Variants in LMBR1 observed in about 807,000 individuals in gnomAD.
LMBR1 encodes limb development membrane protein 1.
Under a neutral mutation model 73.9 loss-of-function variants are expected in LMBR1, and 52 were observed. That is an observed-to-expected ratio of 0.70 (90% CI 0.56 to 0.89). The LOEUF is 0.89. Among genes scored for constraint, LMBR1 ranks in the 40% least tolerant of loss-of-function variants. LMBR1 has a pLI of 0.00. For missense variants in LMBR1, 539 were observed against 579.8 expected (o/e 0.93, Z 0.72); for synonymous variants, 215 against 209.4 (o/e 1.03, Z -0.23).
intron 12 of LMBR1, among the ~76,000 whole-genome samples, chr7:156,726,461 T>TAA (rs541693821): frequency 2.0e-5 from 3 of 147,062 alleles, no homozygotes; most frequent in East Asian, 2.0e-4. Flanking sequence ...ACCTAGAACT[T>TAA]AAAAAAAAAA....
chr7:156,890,102 A>T (rs1802628232), intron 1 of LMBR1, among the ~76,000 whole-genome samples: 1 of 152,232 alleles, frequency 6.6e-6, no homozygotes, highest in Non-Finnish European at 1.5e-5. Context: ...TATCTGTGAC[A>T]AAAGTCCTAA....
At chr7:156,795,003 T>C (rs1829855374) in intron 5 of LMBR1, among the ~76,000 whole-genome samples, 1 of 152,196 alleles carries the variant, frequency 6.6e-6, no homozygotes, top group African/African-American at 2.4e-5. Context: ...AAAACTCAAA[T>C]GACCAGATGG....
At chr7:156,772,318 T>C (rs908064905) in intron 5 of LMBR1, among the ~76,000 whole-genome samples, 3 of 152,070 alleles carry the variant, frequency 2.0e-5, no homozygotes, top group African/African-American at 7.2e-5. Flanking sequence ...AGAAAAAGCT[T>C]TCTATAAAAT....
intron 5 of LMBR1, among the ~76,000 whole-genome samples, chr7:156,777,898 G>C (rs1407479036): frequency 1.3e-5 from 2 of 152,018 alleles, no homozygotes; most frequent in Non-Finnish European, 2.9e-5. Context: ...CTTTCCTGCT[G>C]AACCCCATAC....
At chr7:156,722,219 G>A (rs1344522370) in intron 15 of LMBR1, among the ~76,000 whole-genome samples, 1 of 152,132 alleles carries the variant, frequency 6.6e-6, no homozygotes, top group African/African-American at 2.4e-5. Flanking sequence ...ACTAAGGTCA[G>A]GGTTTCCTTG....
intron 1 of LMBR1, among the ~76,000 whole-genome samples, chr7:156,891,475 T>C (rs1802976094): frequency 6.6e-6 from 1 of 151,666 alleles, no homozygotes; most frequent in Admixed American, 6.6e-5. Flanking sequence ...TAAGATTCCA[T>C]TTACATAAAG....
chr7:156,833,887 G>C, intron 2 of LMBR1, 95 bp from the exon 3 acceptor site: 5 of 790,960 alleles, frequency 6.3e-6, no homozygotes, highest in Non-Finnish European at 1.0e-5. Flanking sequence ...AACTTAAAAG[G>C]CAATTATTGA....
chr7:156,815,241 T>A (rs934156561), intron 4 of LMBR1, among the ~76,000 whole-genome samples: 1 of 151,028 alleles, frequency 6.6e-6, no homozygotes, highest in African/African-American at 2.4e-5. Context: ...AACAAAATGA[T>A]GCAGGTTGTA....
intron 3 of LMBR1, among the ~76,000 whole-genome samples, chr7:156,831,268 A>G (rs1586093188): frequency 7.5e-6 from 1 of 133,242 alleles, no homozygotes; most frequent in Admixed American, 8.0e-5. Flanking sequence ...CAAGCACCCT[A>G]CCCTAGATTT....
intron 1 of LMBR1, among the ~76,000 whole-genome samples, chr7:156,840,232 T>C (rs1003578081): frequency 3.3e-5 from 5 of 152,158 alleles, no homozygotes; most frequent in African/African-American, 1.2e-4. Context: ...GAGCTTACAG[T>C]ACACTGCGAG....
At chr7:156,724,779 T>C (rs1275611509) in intron 14 of LMBR1, among the ~76,000 whole-genome samples, 4 of 151,116 alleles carry the variant, frequency 2.6e-5, no homozygotes, top group Non-Finnish European at 4.4e-5. Flanking sequence ...TGTGTGTGTG[T>C]GTGTGTGTGT....
At chr7:156,713,566 T>TG (rs1268254393) in intron 15 of LMBR1, among the ~76,000 whole-genome samples, 1 of 151,004 alleles carries the variant, frequency 6.6e-6, no homozygotes, top group Non-Finnish European at 1.5e-5. Context: ...AAAATCTGTC[T>TG]GGAAAAAAAA....
intron 9 of LMBR1, among the ~76,000 whole-genome samples, chr7:156,743,285 C>T (rs963107561): frequency 3.3e-5 from 5 of 152,052 alleles, no homozygotes; most frequent in South Asian, 2.1e-4. Flanking sequence ...TACTTAAGTC[C>T]GCTAAATTTT....
At chr7:156,788,176 T>C (rs758767887) in intron 5 of LMBR1, among the ~76,000 whole-genome samples, 11 of 152,150 alleles carry the variant, frequency 7.2e-5, no homozygotes, top group Non-Finnish European at 1.5e-4. Flanking sequence ...AGCTCAAGCC[T>C]GGAATCCCAG....
intron 15 of LMBR1, among the ~76,000 whole-genome samples, chr7:156,718,467 A>C (rs1356196455): frequency 6.6e-6 from 1 of 151,138 alleles, no homozygotes; most frequent in Non-Finnish European, 1.5e-5. Flanking sequence ...CTCCCGCCTG[A>C]AATCTCAGCA....
At chr7:156,719,909 A>C (rs1165475124) in intron 15 of LMBR1, among the ~76,000 whole-genome samples, 6 of 151,674 alleles carry the variant, frequency 4.0e-5, no homozygotes, top group African/African-American at 1.2e-4. Context: ...CATATGTAGA[A>C]AGCTGAAACT....
intron 5 of LMBR1, among the ~76,000 whole-genome samples, chr7:156,782,853 G>C (rs1406180140): frequency 6.6e-6 from 1 of 152,132 alleles, no homozygotes; most frequent in Admixed American, 6.5e-5. Flanking sequence ...CCTCATTGTA[G>C]TTTTGATCTG....
intron 1 of LMBR1, among the ~76,000 whole-genome samples, chr7:156,876,481 T>C (rs557844799): frequency 6.6e-6 from 1 of 152,272 alleles, no homozygotes; most frequent in African/African-American, 2.4e-5. Flanking sequence ...TTAACAGATA[T>C]TTACAGAACA....
chr7:156,721,237 AT>A, intron 15 of LMBR1, among the ~76,000 whole-genome samples: 1 of 152,272 alleles, frequency 6.6e-6, no homozygotes, highest in South Asian at 2.1e-4. Context: ...TATAGAAATT[AT>A]TAAAAGCATT....
Sources: gnomAD v4.1 joint callset for allele counts (sites outside exome capture counted in the v4.1 genomes callset) on GRCh38, gnomAD v4.1.1 for gene constraint, MANE v1.5 for transcripts, NCBI Gene and HGNC (gene_info 2026-07-23, HGNC 2026-07-21) for gene names.